The following SNTG2 variants were observed in gnomAD, a reference collection of about 807,000 sequenced individuals.
The protein encoded by SNTG2 is gamma-2-syntrophin.
A neutral mutation model predicts 70.9 loss-of-function variants in SNTG2; 74 were observed. The ratio of observed to expected loss-of-function variants is 1.04; its 90% CI spans 0.86 to 1.27. The LOEUF is 1.27. Among genes scored for constraint, SNTG2 ranks in the 50% most tolerant of loss-of-function variants. SNTG2 has a pLI of 0.00. For missense variants in SNTG2, 717 were observed against 690.7 expected (o/e 1.04, Z -0.43); for synonymous variants, 278 against 273.8 (o/e 1.02, Z -0.15).
intron 1 of SNTG2, among the ~76,000 whole-genome samples, chr2:1,051,943 C>T (rs1662101395): frequency 6.6e-6 from 1 of 152,198 alleles, no homozygotes; most frequent in African/African-American, 2.4e-5. Flanking sequence ...ATGAATTACG[C>T]TGATTTTCAA....
Position 1,050,829 on chromosome 2 carries a change from G to A in SNTG2, c.73-32689G>A, listed in dbSNP as rs189118632. Among the ~76,000 whole-genome samples, 653 of 152,128 alleles carry A rather than the reference G, an allele frequency of 4.3e-3. 2 individuals carry two copies. Among genetic ancestry groups the A allele is most frequent in the Non-Finnish European group, 7.5e-3 (509 of 67,974 alleles). On this transcript the variant is annotated intron_variant, in intron 1 of 16. Coordinates refer to ENST00000308624, the MANE Select transcript of SNTG2 (RefSeq NM_018968.4). ...AAGATCTAGTCTGTAATTCATTTAG[G>A]TCTTCTTAAATTCCTCCCAATAATG...
At chr2:1,360,993 C>T (rs1309464190) in intron 16 of SNTG2, among the ~76,000 whole-genome samples, 1 of 152,162 alleles carries the variant, frequency 6.6e-6, no homozygotes, top group East Asian at 1.9e-4. Context: ...TGATGCAGTC[C>T]CCAGCGCTGT....
chr2:1,243,741 G>T (rs1572847889), intron 11 of SNTG2, among the ~76,000 whole-genome samples: 1 of 152,228 alleles, frequency 6.6e-6, no homozygotes, highest in African/African-American at 2.4e-5. Context: ...GAACGAGTAA[G>T]ATCAAGGAAA....
chr2:1,236,731 C>T (rs1676684250), intron 9 of SNTG2, among the ~76,000 whole-genome samples: 1 of 152,152 alleles, frequency 6.6e-6, no homozygotes, highest in Admixed American at 6.5e-5. Context: ...CTGTGTTATA[C>T]CATCTCTGTT....
chr2:1,022,046 T>TA (rs1272927550), intron 1 of SNTG2, among the ~76,000 whole-genome samples: 6 of 151,084 alleles, frequency 4.0e-5, no homozygotes, highest in Non-Finnish European at 8.8e-5. Context: ...GTACACTAGT[T>TA]ACACGTGAAC....
chr2:1,003,289 T>A (rs1441947504), intron 1 of SNTG2, among the ~76,000 whole-genome samples: 4 of 151,946 alleles, frequency 2.6e-5, no homozygotes, highest in African/African-American at 9.7e-5. Flanking sequence ...AGTATATGAA[T>A]CTATTATGGG....
intron 14 of SNTG2, among the ~76,000 whole-genome samples, chr2:1,304,662 G>C (rs1447844683): frequency 1.3e-5 from 2 of 151,514 alleles, no homozygotes; most frequent in Non-Finnish European, 2.9e-5. Context: ...GGAGGTGGAG[G>C]TTGCAGTGAG....
intron 8 of SNTG2, among the ~76,000 whole-genome samples, chr2:1,205,680 C>T (rs902530262): frequency 1.3e-5 from 2 of 152,200 alleles, no homozygotes; most frequent in Admixed American, 6.5e-5. Context: ...ATGTGAACAT[C>T]GCTGCCAGTA....
intron 6 of SNTG2, among the ~76,000 whole-genome samples, chr2:1,138,261 C>T (rs576516081): frequency 2.6e-5 from 4 of 152,238 alleles, no homozygotes; most frequent in East Asian, 1.9e-4. Flanking sequence ...GAATGTGTGC[C>T]GTGGAGGACA....
intron 1 of SNTG2, among the ~76,000 whole-genome samples, chr2:995,976 G>C (rs55861279): frequency 0.086 from 13,163 of 152,178 alleles, 759 homozygotes; most frequent in South Asian, 0.21. Context: ...TTTAACATAT[G>C]ACCTGAGCAG....
chr2:963,176 A>G lies in SNTG2; in HGVS notation c.72+12108A>G, dbSNP rs1213837137. Among the ~76,000 whole-genome samples the G allele has an allele frequency of 2.6e-5, 4 of 152,124 alleles. No homozygotes were observed. In the East Asian group the frequency reaches 7.7e-4, roughly 29 times the overall value. ...TTATTTGAAAGTGATTAACATTAACATCATTAACATAATGAATTTAAAGCC... is the reference window on the plus strand; with the variant it reads ...TTATTTGAAAGTGATTAACATTAACGTCATTAACATAATGAATTTAAAGCC... On this transcript the variant is annotated intron_variant, in intron 1 of 16. Coordinates refer to ENST00000308624, the MANE Select transcript of SNTG2 (RefSeq NM_018968.4).
At chr2:1,125,769 C>T (rs1192255128) in intron 4 of SNTG2, among the ~76,000 whole-genome samples, 5 of 152,038 alleles carry the variant, frequency 3.3e-5, no homozygotes, top group Admixed American at 3.3e-4. Context: ...CACATTAGAT[C>T]AGTTAGTAAA....
intron 6 of SNTG2, among the ~76,000 whole-genome samples, chr2:1,152,634 G>GT (rs1299171224): frequency 2.0e-5 from 3 of 152,150 alleles, no homozygotes; most frequent in Non-Finnish European, 4.4e-5. Context: ...ATCTGTGTGT[G>GT]TTTGTGTGTA....
intron 14 of SNTG2, among the ~76,000 whole-genome samples, chr2:1,293,982 C>T (rs1204214156): frequency 3.3e-5 from 5 of 152,310 alleles, no homozygotes; most frequent in South Asian, 4.1e-4. Context: ...AACAGCCCAA[C>T]GCTGGGGTCC....
chr2:1,267,073 A>G (rs541081680), intron 13 of SNTG2, among the ~76,000 whole-genome samples: 3 of 152,282 alleles, frequency 2.0e-5, no homozygotes, highest in African/African-American at 4.8e-5. Context: ...ACCCAGCTTC[A>G]TCTTTCTCTT....
At chr2:1,182,051 T>C (rs1183154356) in intron 8 of SNTG2, among the ~76,000 whole-genome samples, 1 of 152,216 alleles carries the variant, frequency 6.6e-6, no homozygotes, top group Non-Finnish European at 1.5e-5. Flanking sequence ...AATTGGTTAG[T>C]GTGCAGCTTT....
chr2:963,937 C>G (rs1228666891), intron 1 of SNTG2, among the ~76,000 whole-genome samples: 1 of 152,174 alleles, frequency 6.6e-6, no homozygotes, highest in Non-Finnish European at 1.5e-5. Flanking sequence ...TGTTTCTTCA[C>G]TTTGTTCCAA....
intron 9 of SNTG2, among the ~76,000 whole-genome samples, chr2:1,234,714 G>A (rs1676492791): frequency 1.3e-5 from 2 of 151,586 alleles, no homozygotes. Flanking sequence ...ACTGCCTCAG[G>A]GGGCAAAGCT....
Position 1,259,386 on chromosome 2 carries a change from G to A in SNTG2, c.1022G>A (p.Trp341Ter). The change falls in exon 13 of 17, where the codon TGG (tryptophan) becomes TAG (stop). Residue 341 changes from tryptophan (W) to a stop codon, truncating the protein, a stop_gained. Transcript: ENST00000308624. LOFTEE classifies it high-confidence loss of function. ...FSTPPVSTFD[W>*]VRAERTYHLC... ...TTCTTGCAGGTGAGCACATTCGATT[G>A]GGTGCGAGCAGAAAGGACCTATCAC... 6.2e-7 allele frequency: 1 copy of A among 1,613,962 alleles called. No homozygotes were observed.
Sources: allele counts gnomAD v4.1 joint callset (sites outside exome capture counted in the v4.1 genomes callset), GRCh38; gene constraint gnomAD v4.1.1; transcripts MANE v1.5; gene names NCBI Gene and HGNC (gene_info 2026-07-23, HGNC 2026-07-21).